Variants in PDE1C observed in about 807,000 individuals in gnomAD.
PDE1C encodes the protein phosphodiesterase 1C, also known as dual specificity calcium/calmodulin-dependent 3',5'-cyclic nucleotide phosphodiesterase 1C.
A neutral mutation model predicts 93.1 loss-of-function variants in PDE1C; 62 were observed. The ratio of observed to expected loss-of-function variants is 0.67; its 90% CI spans 0.54 to 0.82. The LOEUF (loss-of-function observed/expected upper bound fraction) is 0.82. Ranked by LOEUF, PDE1C falls within the 40% of genes least tolerant of loss-of-function variation. The pLI is 0.00. For synonymous variants in PDE1C, 325 were observed against 310.1 expected, an observed-to-expected ratio of 1.05 and a Z score of -0.50; for missense variants, 742 against 884.6, an observed-to-expected ratio of 0.84 and a Z score of 2.04.
At position 32,347,675 on chromosome 7, in the gene PDE1C, G is replaced by A. The variant is rs184560562; in HGVS notation, c.310+80147C>T. Among the ~76,000 whole-genome samples, 13 of 152,260 alleles carry A rather than the reference G, an allele frequency of 8.5e-5. No homozygotes were observed. In the East Asian group the frequency reaches 2.3e-3, roughly 27 times the overall value. On this transcript the variant is annotated intron_variant, in intron 1 of 1. Coordinates refer to the PDE1C transcript ENST00000672256. ...CTGCTATGTCAAGGAAGCTCACCTG[G>A]CAAAGAGCTATGTGTGGTCTCTATG...
chr7:32,147,316 GAAAGAAAGAAAGA>G (rs1563352969), intron 3 of PDE1C, among the ~76,000 whole-genome samples: 1 of 141,086 alleles, frequency 7.1e-6, no homozygotes, highest in Non-Finnish European at 1.5e-5. Context: ...AAGAAAGAAA[GAAAGAAAGAAAGA>G]AAGACGCTGT....
intron 2 of PDE1C, among the ~76,000 whole-genome samples, chr7:32,009,629 A>T (rs1339880868): frequency 1.3e-5 from 2 of 152,252 alleles, no homozygotes; most frequent in Non-Finnish European, 2.9e-5. Flanking sequence ...CAGCAATGAG[A>T]CAAGGATGTC....
intron 1 of PDE1C, among the ~76,000 whole-genome samples, chr7:32,245,479 C>T (rs901709404): frequency 6.6e-6 from 1 of 152,184 alleles, no homozygotes; most frequent in Non-Finnish European, 1.5e-5. Flanking sequence ...CCTTCTCCAG[C>T]CCAATCCTCG....
chr7:31,747,808 G>A (rs371433165), downstream of PDE1C, among the ~76,000 whole-genome samples: 65 of 147,114 alleles, frequency 4.4e-4, no homozygotes, highest in African/African-American at 1.6e-3. Context: ...CACAGGGTCA[G>A]TTGAGTCAGG....
chr7:32,128,906 AAT>A (rs763801947), intron 3 of PDE1C, among the ~76,000 whole-genome samples: 1,684 of 55,482 alleles, frequency 0.03, 41 homozygotes, highest in Admixed American at 0.039. Context: ...AAGTATAACA[AAT>A]ATATATATAT....
chr7:31,925,113 G>T (rs141393080), intron 2 of PDE1C, among the ~76,000 whole-genome samples: 255 of 151,394 alleles, frequency 1.7e-3, no homozygotes, highest in African/African-American at 6.0e-3. Context: ...GTGTGTGTGA[G>T]AGAGAGATGA....
chr7:32,234,954 G>A (rs375279164), intron 1 of PDE1C, among the ~76,000 whole-genome samples: 6 of 152,146 alleles, frequency 3.9e-5, no homozygotes, highest in African/African-American at 1.4e-4. Context: ...TTCAGTATTA[G>A]AAAATCAATC....
intron 2 of PDE1C, among the ~76,000 whole-genome samples, chr7:31,969,106 G>T (rs1376094748): frequency 1.3e-5 from 2 of 152,106 alleles, no homozygotes; most frequent in Admixed American, 1.3e-4. Flanking sequence ...AAAAGCAATG[G>T]CAACAAAAGC....
chr7:31,904,040 A>G (rs910966814), intron 2 of PDE1C, among the ~76,000 whole-genome samples: 5 of 152,180 alleles, frequency 3.3e-5, no homozygotes, highest in African/African-American at 1.2e-4. Flanking sequence ...ATAATTGCAC[A>G]TATGTATGTA....
At chr7:31,697,075 A>G in the PDE1C span, 1 of 1,614,168 alleles carries the variant, frequency 6.2e-7, no homozygotes, top group African/African-American at 1.3e-5. Flanking sequence ...AAAGCCAAGG[A>G]GAAAAGACAC....
intron 2 of PDE1C, among the ~76,000 whole-genome samples, chr7:31,981,354 T>G (rs890138518): frequency 1.3e-5 from 2 of 152,192 alleles, no homozygotes; most frequent in Non-Finnish European, 2.9e-5. Context: ...GAATTTGAGG[T>G]TTGGTAGATA....
the PDE1C span, among the ~76,000 whole-genome samples, chr7:31,667,533 G>A: frequency 5.9e-5 from 9 of 152,254 alleles, no homozygotes; most frequent in South Asian, 2.1e-4. Flanking sequence ...GGGCACCGTC[G>A]TAGGGGTAGG....
At chr7:31,866,511 G>A (rs760463595) in intron 6 of PDE1C, among the ~76,000 whole-genome samples, 7 of 152,014 alleles carry the variant, frequency 4.6e-5, no homozygotes, top group East Asian at 1.9e-4. Context: ...ACAGATTTCC[G>A]ATGCAAAGAA....
At chr7:31,698,460 C>T in the PDE1C span, among the ~76,000 whole-genome samples, 1 of 152,212 alleles carries the variant, frequency 6.6e-6, no homozygotes, top group African/African-American at 2.4e-5. Context: ...ATGCCAGGGA[C>T]AACTCTCCCT....
intron 1 of PDE1C, among the ~76,000 whole-genome samples, chr7:32,293,000 G>C (rs1372842926): frequency 6.6e-6 from 1 of 152,262 alleles, no homozygotes; most frequent in East Asian, 1.9e-4. Context: ...AGGGCATCCT[G>C]GCTGCCCACC....
the PDE1C span, chr7:31,651,933 T>C: frequency 1.3e-6 from 2 of 1,577,876 alleles, no homozygotes; most frequent in Non-Finnish European, 1.7e-6. Flanking sequence ...TATTATTTAC[T>C]TGCAGGGAGG....
At chr7:31,682,171 T>A in the PDE1C span, among the ~76,000 whole-genome samples, 3 of 152,132 alleles carry the variant, frequency 2.0e-5, no homozygotes, top group African/African-American at 7.2e-5. Flanking sequence ...AACAAATAGG[T>A]AGTAAGTGCT....
intron 2 of PDE1C, among the ~76,000 whole-genome samples, chr7:31,961,686 C>A (rs1809001492): frequency 6.6e-6 from 1 of 152,176 alleles, no homozygotes; most frequent in African/African-American, 2.4e-5. Flanking sequence ...TTCCCCCACA[C>A]ACTTAGATGT....
At chr7:31,877,770 T>G (rs1391385979) in intron 5 of PDE1C, among the ~76,000 whole-genome samples, 200 bp downstream of exon 5, 1 of 150,808 alleles carries the variant, frequency 6.6e-6, no homozygotes, top group Non-Finnish European at 1.5e-5. Context: ...CACACAGAGT[T>G]TGATTGTTTT....
Sources: allele counts gnomAD v4.1 joint callset (sites outside exome capture counted in the v4.1 genomes callset), GRCh38; gene constraint gnomAD v4.1.1; transcripts MANE v1.5; gene names NCBI Gene and HGNC (gene_info 2026-07-23, HGNC 2026-07-21).